The following EVC2 variants were observed in gnomAD, a reference collection of about 807,000 sequenced individuals.
EVC2 encodes EvC ciliary complex subunit 2, also known as limbin.
A neutral mutation model predicts 149.3 loss-of-function variants in EVC2; 148 were observed. The ratio of observed to expected loss-of-function variants is 0.99; its 90% CI spans 0.87 to 1.14. The LOEUF (loss-of-function observed/expected upper bound fraction) is 1.14. Among genes scored for constraint, EVC2 ranks in the 50% most tolerant of loss-of-function variants. EVC2 has a pLI of 0.00. For missense variants in EVC2, 1,854 were observed against 1,627.3 expected (o/e 1.14, Z -2.40); for synonymous variants, 776 against 649.9 (o/e 1.19, Z -2.95).
intron 16 of EVC2, among the ~76,000 whole-genome samples, chr4:5,612,693 C>A (rs894018237): frequency 1.3e-5 from 2 of 151,974 alleles, no homozygotes; most frequent in Non-Finnish European, 2.9e-5. Context: ...GAGGCCGAGG[C>A]GGGCGGATCA....
rs889128364 is a variant in EVC2 at position 5,569,151 on chromosome 4, G to A, written c.3361-511C>T. Among the ~76,000 whole-genome samples the A allele has an allele frequency of 6.6e-6, 1 of 152,186 alleles. No homozygotes were observed. The highest frequency in any genetic ancestry group is 2.4e-5 in the African/African-American group (1 of 41,450). The stretch of plus-strand genomic sequence containing the variant: ...GAGTGGAAACAGCCAGTCTCCAAAG[G>A]TCACGTGCTGCGTGATTCCATGCAT... On this transcript the variant is annotated intron_variant, in intron 19 of 21. Coordinates refer to ENST00000344408, the MANE Select transcript of EVC2 (RefSeq NM_147127.5). The surrounding 1 kb of genome is among the most constrained non-coding windows in gnomAD (Gnocchi z 4.8).
Position 5,633,936 on chromosome 4 carries a change from T to A in EVC2, c.1471-1904A>T, listed in dbSNP as rs1325067521. ...TAGCTTTCTCCGTCTCTCCAGTCCC[T>A]TTTACTTATTGTTTGATTTGTTCAG... On this transcript the variant is annotated intron_variant, in intron 10 of 21. Coordinates refer to ENST00000344408, the MANE Select transcript of EVC2 (RefSeq NM_147127.5). This position sits in a 1 kb window ranked among gnomAD's most constrained non-coding sequence, Gnocchi z 4.4. Among the ~76,000 whole-genome samples the A allele has an allele frequency of 6.6e-6, 1 of 152,246 alleles. No individual in the cohort carries two copies. The highest frequency in any genetic ancestry group is 1.5e-5 in the Non-Finnish European group (1 of 68,048).
intron 7 of EVC2, among the ~76,000 whole-genome samples, chr4:5,671,152 T>C (rs923414699): frequency 2.0e-5 from 3 of 150,526 alleles, no homozygotes; most frequent in African/African-American, 7.4e-5. Context: ...ACTTTATAAA[T>C]TATAATGTCA....
chr4:5,593,929 G>T (rs370931191), intron 16 of EVC2, among the ~76,000 whole-genome samples: 1 of 152,232 alleles, frequency 6.6e-6, no homozygotes, highest in African/African-American at 2.4e-5. Context: ...TCCCCCACCT[G>T]GCTTGGAGGG....
rs866062328 is a variant in EVC2, at chr4:5,677,437, G to C, written c.870+3823C>G. Among the ~76,000 whole-genome samples, 1 of 152,170 alleles carries C rather than the reference G, an allele frequency of 6.6e-6. No homozygotes were observed. The highest frequency in any genetic ancestry group is 2.4e-5 in the African/African-American group (1 of 41,436). On this transcript the variant is annotated intron_variant, in intron 7 of 21. Transcript: ENST00000344408. This position sits in a 1 kb window ranked among gnomAD's most constrained non-coding sequence, Gnocchi z 4.3. ...TCCACAGCCTGGGGGCGCCTGTCCTGGGGGCTGGTGTGGCTGAAATCCAGC... is the reference window on the plus strand; with the variant it reads ...TCCACAGCCTGGGGGCGCCTGTCCTCGGGGCTGGTGTGGCTGAAATCCAGC...
intron 9 of EVC2, among the ~76,000 whole-genome samples, chr4:5,653,360 G>C (rs988143092): frequency 6.6e-6 from 1 of 152,184 alleles, no homozygotes; most frequent in Non-Finnish European, 1.5e-5. Flanking sequence ...AACTAGAAAT[G>C]GGTTGGCCAT....
rs377280406 is a variant in EVC2 at position 5,651,380 on chromosome 4, G to A, written c.1146-10542C>T. On this transcript the variant is annotated intron_variant, in intron 9 of 21. Transcript: ENST00000344408. ...GATGAATAGATGAATGAAAGAATGG[G>A]TGGGTGAAAAAGATGGGTGGAAGGA... 5.6e-4 allele frequency among the ~76,000 whole-genome samples: 85 copies of A among 152,146 alleles called. 1 individual carries two copies. Among genetic ancestry groups the A allele is most frequent in the South Asian group, 2.1e-3 (10 of 4,812 alleles).
At chr4:5,573,439 G>A (rs952240298) in intron 19 of EVC2, among the ~76,000 whole-genome samples, 1 of 152,170 alleles carries the variant, frequency 6.6e-6, no homozygotes, top group Non-Finnish European at 1.5e-5. Flanking sequence ...ATGAAGAAAG[G>A]AGGCCATGAG....
chr4:5,684,598 A>C (rs1262860805), intron 6 of EVC2, among the ~76,000 whole-genome samples: 1 of 20,530 alleles, frequency 4.9e-5, no homozygotes, highest in Non-Finnish European at 9.7e-5. Flanking sequence ...ACCTGCCAGG[A>C]CAGGCAGCCA....
intron 1 of EVC2, among the ~76,000 whole-genome samples, chr4:5,704,415 G>T (rs780371075): frequency 6.6e-6 from 1 of 152,154 alleles, no homozygotes; most frequent in African/African-American, 2.4e-5. Context: ...GGGAGGCAAG[G>T]GGCAGGATTT....
At position 5,661,369 on chromosome 4, in the gene EVC2, TAGA is replaced by T. The variant is rs571626790; in HGVS notation, c.1145+1735_1145+1737del. Among the ~76,000 whole-genome samples, 25 of 152,354 alleles carry T rather than the reference TAGA, an allele frequency of 1.6e-4. No homozygotes were observed. The East Asian group carries it at 3.1e-3, about 19-fold the overall frequency. On this transcript the variant is annotated intron_variant, in intron 9 of 21. Transcript: ENST00000344408. ...ATCCATAATTATGTTGCTAGCCACT[TAGA>T]AGAAGATAACATCACCCTCGTCCTC...
intron 9 of EVC2, among the ~76,000 whole-genome samples, chr4:5,649,053 A>AT (rs1717926905): frequency 6.6e-6 from 1 of 152,128 alleles, no homozygotes; most frequent in South Asian, 2.1e-4. Flanking sequence ...AAATACACGT[A>AT]TTTTTCCATT....
downstream of EVC2, among the ~76,000 whole-genome samples, chr4:5,538,031 A>C (rs1459372691): frequency 6.6e-6 from 1 of 151,874 alleles, no homozygotes; most frequent in Non-Finnish European, 1.5e-5. Context: ...AAAATTGATA[A>C]ACCTCTAGCC....
chr4:5,654,943 A>G (rs542353981), intron 9 of EVC2, among the ~76,000 whole-genome samples: 2 of 152,168 alleles, frequency 1.3e-5, no homozygotes, highest in Non-Finnish European at 2.9e-5. Flanking sequence ...TCCTGCAGAC[A>G]GTGGGTATTG....
At chr4:5,693,501 A>G (rs1380282858) in intron 3 of EVC2, among the ~76,000 whole-genome samples, 1 of 152,228 alleles carries the variant, frequency 6.6e-6, no homozygotes, top group African/African-American at 2.4e-5. Flanking sequence ...GATGGCCTGG[A>G]GCCACCAGAA....
intron 9 of EVC2, among the ~76,000 whole-genome samples, chr4:5,645,742 C>A (rs1012765691): frequency 1.3e-5 from 2 of 152,020 alleles, no homozygotes; most frequent in East Asian, 3.9e-4. Context: ...TGTGTCTTTA[C>A]GACAGAATGA....
Position 5,686,787 on chromosome 4 carries a change from GAA to G in EVC2, c.707-1310_707-1309del, listed in dbSNP as rs77525849. On this transcript the variant is annotated intron_variant, in intron 5 of 21. Transcript: ENST00000344408. This position sits in a 1 kb window ranked among gnomAD's most constrained non-coding sequence, Gnocchi z 5.4. ...TATAGTTATCTACTTATGCTTTGGG[GAA>G]AAAAAAAAAAAGTCACCTGTGCCCC... Among the ~76,000 whole-genome samples, 2 of 143,108 alleles carry G rather than the reference GAA, an allele frequency of 1.4e-5. No individual in the cohort carries two copies. The highest frequency in any genetic ancestry group is 3.1e-5 in the Non-Finnish European group (2 of 65,178). The allele number at this position is 143,108 out of a possible 152,430, so 93.9% of individuals were successfully genotyped here. A position where few individuals can be genotyped will look rare whatever the true frequency, so the allele number is the denominator to read the frequency against.
intron 21 of EVC2, among the ~76,000 whole-genome samples, chr4:5,543,607 G>A (rs181450104): frequency 2.0e-5 from 3 of 152,202 alleles, no homozygotes; most frequent in Non-Finnish European, 4.4e-5. Flanking sequence ...GAGGAAGAGA[G>A]GAGAATCGGG....
intron 7 of EVC2, among the ~76,000 whole-genome samples, chr4:5,667,407 A>G (rs947208568): frequency 6.6e-6 from 1 of 152,028 alleles, no homozygotes; most frequent in African/African-American, 2.4e-5. Flanking sequence ...AAGTAAGGCA[A>G]ATTTGATAGA....
Sources: allele counts gnomAD v4.1 joint callset (sites outside exome capture counted in the v4.1 genomes callset), GRCh38; gene constraint gnomAD v4.1.1; non-coding constraint Gnocchi (gnomAD v3.1); transcripts MANE v1.5; gene names NCBI Gene and HGNC (gene_info 2026-07-23, HGNC 2026-07-21).